HS2ST1: variants seen among roughly 807,000 people sequenced by gnomAD.
The protein encoded by HS2ST1 is 2-O-sulfotransferase.
A neutral mutation model predicts 42.9 loss-of-function variants in HS2ST1; 18 were observed. The ratio of observed to expected loss-of-function variants is 0.42; its 90% CI spans 0.29 to 0.62. HS2ST1 has a LOEUF of 0.62. Among genes scored for constraint, HS2ST1 ranks in the 20% least tolerant of loss-of-function variants. The probability of loss-of-function intolerance (pLI) is 0.21; values close to 1 mark genes in which losing one functional copy is unlikely to be tolerated. For synonymous variants in HS2ST1, 146 were observed against 152.9 expected (o/e 0.95, Z 0.33); for missense variants, 334 against 433.8 (o/e 0.77, Z 2.04).
intron 1 of HS2ST1, among the ~76,000 whole-genome samples, chr1:86,995,953 G>A (rs2100564539): frequency 6.6e-6 from 1 of 152,178 alleles, no homozygotes; most frequent in Non-Finnish European, 1.5e-5. Context: ...GTGGTGGCTG[G>A]TTTCTTAAAA....
chr1:86,985,630 T>A lies in HS2ST1; in HGVS notation c.124+70470T>A, dbSNP rs139785362. On this transcript the variant is annotated intron_variant, in intron 1 of 6. Coordinates refer to ENST00000370550, the MANE Select transcript of HS2ST1 (RefSeq NM_012262.4). ...TTTAAAATAGATTTTTGGAATACAT[T>A]TGAGGTTAAATTTCCTTAAAAAATA... Among the ~76,000 whole-genome samples the A allele has an allele frequency of 1.5e-3, 230 of 151,390 alleles. 1 individual carries two copies. Among genetic ancestry groups the A allele is most frequent in the African/African-American group, 5.2e-3 (213 of 41,304 alleles).
At chr1:86,963,626 A>C (rs563843712) in intron 1 of HS2ST1, among the ~76,000 whole-genome samples, 1 of 152,152 alleles carries the variant, frequency 6.6e-6, no homozygotes, top group South Asian at 2.1e-4. Flanking sequence ...CTATTCAACA[A>C]AACCGCCATC....
chr1:86,917,265 TC>T (rs2102148874), intron 1 of HS2ST1, among the ~76,000 whole-genome samples: 1 of 152,324 alleles, frequency 6.6e-6, no homozygotes, highest in African/African-American at 2.4e-5. Flanking sequence ...ACGCCTGTAA[TC>T]CCAGCACTTT....
chr1:87,013,502 C>G (rs1273680961), intron 1 of HS2ST1, among the ~76,000 whole-genome samples: 2 of 152,162 alleles, frequency 1.3e-5, no homozygotes, highest in African/African-American at 2.4e-5. Context: ...TTTTTTCCTC[C>G]TAGGCCTCTG....
chr1:86,955,744 G>A (rs373327380), intron 1 of HS2ST1, among the ~76,000 whole-genome samples: 10 of 152,294 alleles, frequency 6.6e-5, no homozygotes, highest in African/African-American at 2.4e-4. Context: ...CAGCACTTTG[G>A]GAGGCCAAGG....
chr1:86,993,309 G>C (rs562227184), intron 1 of HS2ST1, among the ~76,000 whole-genome samples: 1 of 152,258 alleles, frequency 6.6e-6, no homozygotes, highest in Admixed American at 6.5e-5. Flanking sequence ...TGTTTATCTA[G>C]TGCTTTGATC....
Position 87,103,553 on chromosome 1 carries a change from C to G in HS2ST1, c.808C>G (p.Arg270Gly), listed in dbSNP as rs199696267. 4.3e-6 allele frequency: 7 copies of G among 1,611,076 alleles called. No homozygotes were observed. Among genetic ancestry groups the G allele is most frequent in the Non-Finnish European group, 5.9e-6 (7 of 1,178,758 alleles). ...CATGTTATTGGAGGCAGCATTGCCC[C>G]GGTTTTTCAGGGGTGCTACTGAACT... ...FIMLLEAALP[R>G]FFRGATELYR... Residue 270 changes from arginine to glycine, a missense_variant, in exon 6 of 7, where the codon CGG becomes GGG. Coordinates refer to ENST00000370550, the MANE Select transcript of HS2ST1 (RefSeq NM_012262.4).
chr1:87,066,104 TTAATG>T (rs1187908044), intron 1 of HS2ST1, among the ~76,000 whole-genome samples: 5 of 151,366 alleles, frequency 3.3e-5, no homozygotes, highest in Non-Finnish European at 5.9e-5. Flanking sequence ...AGATTTTAGT[TTAATG>T]TAATGTTTTA....
intron 1 of HS2ST1, among the ~76,000 whole-genome samples, chr1:86,962,825 T>A (rs1028619389): frequency 3.3e-5 from 5 of 152,124 alleles, no homozygotes; most frequent in Non-Finnish European, 1.5e-5. Context: ...GAACATACAG[T>A]TTTATTTTTT....
chr1:87,011,952 T>C (rs1037833006), intron 1 of HS2ST1, among the ~76,000 whole-genome samples: 11 of 152,246 alleles, frequency 7.2e-5, no homozygotes, highest in African/African-American at 2.7e-4. Flanking sequence ...TGAAATCTTG[T>C]TCAATTTATT....
At chr1:87,066,349 G>C (rs973225775) in intron 1 of HS2ST1, among the ~76,000 whole-genome samples, 5 of 152,130 alleles carry the variant, frequency 3.3e-5, no homozygotes, top group African/African-American at 9.7e-5. Context: ...AGTGCCATTG[G>C]TGCCTGGCCT....
intron 1 of HS2ST1, among the ~76,000 whole-genome samples, chr1:86,977,996 C>CTA (rs1483370960): frequency 6.6e-6 from 1 of 152,140 alleles, no homozygotes; most frequent in Non-Finnish European, 1.5e-5. Flanking sequence ...TTCCTATCTC[C>CTA]TAATGACATT....
intron 1 of HS2ST1, among the ~76,000 whole-genome samples, chr1:86,994,553 T>A (rs1386953035): frequency 6.6e-6 from 1 of 152,138 alleles, no homozygotes; most frequent in African/African-American, 2.4e-5. Context: ...GTTACTATCC[T>A]TTTTTTGAGG....
At chr1:87,062,771 T>G (rs1014451253) in intron 1 of HS2ST1, among the ~76,000 whole-genome samples, 7 of 152,218 alleles carry the variant, frequency 4.6e-5, no homozygotes, top group Non-Finnish European at 8.8e-5. Context: ...TGAGTTACTT[T>G]CCCTTTCATT....
chr1:87,103,396 C>T, intron 5 of HS2ST1, 36 bp from the exon 6 acceptor site: 1 of 1,555,576 alleles, frequency 6.4e-7, no homozygotes, highest in Non-Finnish European at 8.7e-7. Context: ...CAGCAGATTT[C>T]ACAACCAGGT....
intron 1 of HS2ST1, among the ~76,000 whole-genome samples, chr1:87,030,530 G>GCA (rs773658579): frequency 0.015 from 2,253 of 150,780 alleles, 62 homozygotes; most frequent in African/African-American, 0.05. Flanking sequence ...GCATGCACAC[G>GCA]CACACACGCA....
chr1:86,942,103 GCTTGCAAAC>G (rs573840907), intron 1 of HS2ST1, among the ~76,000 whole-genome samples: 1 of 152,150 alleles, frequency 6.6e-6, no homozygotes, highest in Non-Finnish European at 1.5e-5. Context: ...ATTTGAAAAT[GCTTGCAAAC>G]CTAGGCTATA....
chr1:86,943,227 A>G (rs1647219355), intron 1 of HS2ST1, among the ~76,000 whole-genome samples: 1 of 152,216 alleles, frequency 6.6e-6, no homozygotes, highest in African/African-American at 2.4e-5. Flanking sequence ...AGTATTACAA[A>G]TAAATCATTG....
chr1:87,073,476 AC>A (rs1479350723), intron 2 of HS2ST1, among the ~76,000 whole-genome samples: 6 of 152,156 alleles, frequency 3.9e-5, no homozygotes, highest in Non-Finnish European at 7.4e-5. Context: ...TTGGCATGAT[AC>A]CCTGCAATAA....
Sources: allele counts gnomAD v4.1 joint callset (sites outside exome capture counted in the v4.1 genomes callset), GRCh38; gene constraint gnomAD v4.1.1; transcripts MANE v1.5; gene names NCBI Gene and HGNC (gene_info 2026-07-23, HGNC 2026-07-21).